ZDHHC5: variants seen among roughly 807,000 people sequenced by gnomAD.
ZDHHC5 encodes the protein palmitoyltransferase ZDHHC5.
Under a neutral mutation model 70.0 loss-of-function variants are expected in ZDHHC5, and 22 were observed. The ratio of observed to expected loss-of-function variants is 0.31; its 90% CI spans 0.22 to 0.45. The LOEUF (loss-of-function observed/expected upper bound fraction) is 0.45, where lower values mean the gene tolerates loss of function less well. Among genes scored for constraint, ZDHHC5 ranks in the 20% least tolerant of loss-of-function variants. The pLI, the probability that ZDHHC5 is intolerant of heterozygous loss-of-function variation, is 1.00. For missense variants in ZDHHC5, 746 were observed against 926.9 expected (o/e 0.80, Z 2.53); for synonymous variants, 313 against 347.8 (o/e 0.90, Z 1.11).
At chr11:57,686,125 T>C (rs1462211578) in intron 3 of ZDHHC5, among the ~76,000 whole-genome samples, 4 of 152,092 alleles carry the variant, frequency 2.6e-5, no homozygotes, top group Non-Finnish European at 5.9e-5. Context: ...ATAAGGAGCA[T>C]TGCAACTGGG....
intron 6 of ZDHHC5, among the ~76,000 whole-genome samples, chr11:57,691,157 T>C (rs1254222214): frequency 6.6e-6 from 1 of 152,072 alleles, no homozygotes; most frequent in African/African-American, 2.4e-5. Flanking sequence ...CTGCAACCTC[T>C]GCCTCCTGGG....
At chr11:57,696,070 A>G (rs1946348220) in intron 9 of ZDHHC5, 27 bp downstream of exon 9, 1 of 1,599,444 alleles carries the variant, frequency 6.3e-7, no homozygotes, top group African/African-American at 1.3e-5. Flanking sequence ...TTTGCAAGAT[A>G]CTAGAACTAG....
chr11:57,672,274 C>T lies in ZDHHC5; in HGVS notation c.-817C>T. 1 of 398,554 alleles carries T rather than the reference C, an allele frequency of 2.5e-6. No homozygotes were observed. 24.7% of individuals were successfully genotyped at this position (398,554 alleles called of 1,614,324 possible). On this transcript the variant is annotated 5_prime_UTR_variant, in exon 2 of 12. Transcript: ENST00000287169. ...TGTAGGAAACAGAGCCCTTAAAGGG[C>T]TTGGGAATAACAAGAAGAGATTGAA...
At chr11:57,690,571 T>C in intron 6 of ZDHHC5, 134 bp downstream of exon 6, 1 of 975,914 alleles carries the variant, frequency 1.0e-6, no homozygotes, top group Non-Finnish European at 1.6e-6. Flanking sequence ...AGATTAATGG[T>C]AGGGAGTGAG....
chr11:57,688,698 T>C (rs767005577), intron 4 of ZDHHC5, 33 bp downstream of exon 4: 1 of 1,548,164 alleles, frequency 6.5e-7, no homozygotes, highest in Non-Finnish European at 8.7e-7. Context: ...GACTTCATGC[T>C]TAACCTTCAT....
Position 57,698,915 on chromosome 11 carries a change from A to G in ZDHHC5, c.1479A>G (p.Pro493=), listed in dbSNP as rs1590873635. ...ESVQAGPEPD[P]PLGYTSPFLS... ...TGCAGGCAGGGCCTGAGCCAGACCC[A>G]CCTTTAGGCTATACCTCTCCCTTCC... is the stretch of plus-strand genomic sequence containing the variant. The change falls in exon 11 of 12, where the codon CCA becomes CCG. Residue 493 remains proline, a synonymous_variant. Coordinates refer to ENST00000287169, the MANE Select transcript of ZDHHC5 (RefSeq NM_015457.3). 3 of 1,613,856 alleles carry G rather than the reference A, an allele frequency of 1.9e-6. No individual in the cohort carries two copies. The highest frequency in any genetic ancestry group is 1.3e-5 in the African/African-American group (1 of 74,856).
intron 4 of ZDHHC5, among the ~76,000 whole-genome samples, chr11:57,689,014 G>C (rs906289251): frequency 6.6e-6 from 1 of 152,162 alleles, no homozygotes; most frequent in Non-Finnish European, 1.5e-5. Context: ...GGGATTACAG[G>C]CATGAGCCAT....
intron 8 of ZDHHC5, among the ~76,000 whole-genome samples, chr11:57,694,808 C>A (rs1290884202): frequency 1.3e-5 from 2 of 152,232 alleles, no homozygotes; most frequent in Non-Finnish European, 2.9e-5. Context: ...AGAATTAAAA[C>A]CTTTTTTAAA....
Position 57,692,775 on chromosome 11 carries a change from A to G in ZDHHC5, c.752+73A>G, listed in dbSNP as rs567123574. ...ATCTTCTTTGGGCTTGTTCTGGTAA[A>G]GGAGGGGTCTGGTGAGAGCCTTTAG... On this transcript the variant is annotated intron_variant, in intron 7 of 11. Transcript: ENST00000287169. 5.9e-6 allele frequency: 9 copies of G among 1,521,840 alleles called. No individual in the cohort carries two copies. In the African/African-American group the frequency reaches 1.2e-4, roughly 21 times the overall value. 94.3% of individuals were successfully genotyped at this position (1,521,840 alleles called of 1,614,324 possible). A position where few individuals can be genotyped will look rare whatever the true frequency, so the allele number is the denominator to read the frequency against.
Position 57,699,094 on chromosome 11 carries a change from A to T in ZDHHC5, c.1658A>T (p.Gln553Leu). Reference sequence around the variant, plus strand: ...CAGGAACGAGAGAAGTTGCTGCGCCAGTCACCCCCACTCCCGGGCCGTGAG... The same window carrying T: ...CAGGAACGAGAGAAGTTGCTGCGCCTGTCACCCCCACTCCCGGGCCGTGAG... Reference protein sequence around the residue: ...SLQEREKLLRQSPPLPGREEE... With the variant: ...SLQEREKLLRLSPPLPGREEE... The change falls in exon 11 of 12, where the codon CAG (glutamine) becomes CTG (leucine). Residue 553 changes from glutamine to leucine, a missense_variant. By Grantham distance (113) the Gln-to-Leu change is moderately radical (BLOSUM62 -2). Coordinates refer to ENST00000287169, the MANE Select transcript of ZDHHC5 (RefSeq NM_015457.3). 6.2e-7 allele frequency: 1 copy of T among 1,613,794 alleles called. No individual in the cohort carries two copies.
chr11:57,688,191 G>T (rs1489808144), intron 3 of ZDHHC5, among the ~76,000 whole-genome samples: 1 of 152,148 alleles, frequency 6.6e-6, no homozygotes, highest in East Asian at 1.9e-4. Flanking sequence ...TATGTGCTTT[G>T]ATATGTAAAC....
chr11:57,690,227 T>C, intron 5 of ZDHHC5, 24 bp downstream of exon 5: 1 of 1,613,082 alleles, frequency 6.2e-7, no homozygotes, highest in Non-Finnish European at 8.5e-7. Flanking sequence ...CCTTTTAGAT[T>C]GTGGGATTGG....
intron 8 of ZDHHC5, among the ~76,000 whole-genome samples, chr11:57,695,428 A>G (rs1240553482): frequency 2.0e-5 from 3 of 152,106 alleles, no homozygotes; most frequent in Non-Finnish European, 4.4e-5. Flanking sequence ...TCAAAAAAAA[A>G]AACCCAACTT....
intron 2 of ZDHHC5, among the ~76,000 whole-genome samples, chr11:57,674,141 G>A (rs915441538): frequency 3.9e-5 from 6 of 152,056 alleles, no homozygotes; most frequent in South Asian, 2.1e-4. Flanking sequence ...AGTTTCTGCC[G>A]AGGGAATGAC....
At chr11:57,679,711 C>G (rs571866397) in intron 2 of ZDHHC5, among the ~76,000 whole-genome samples, 44 of 152,106 alleles carry the variant, frequency 2.9e-4, no homozygotes, top group Admixed American at 6.6e-4. Flanking sequence ...AGACAGGCCA[C>G]TTGGGGTGGT....
chr11:57,689,371 A>T, intron 4 of ZDHHC5, among the ~76,000 whole-genome samples: 1 of 151,214 alleles, frequency 6.6e-6, no homozygotes, highest in Non-Finnish European at 1.5e-5. Flanking sequence ...TCTTTTTTAT[A>T]TATATATATA....
intron 4 of ZDHHC5, among the ~76,000 whole-genome samples, chr11:57,689,479 C>A (rs1946252873): frequency 6.6e-6 from 1 of 151,888 alleles, no homozygotes; most frequent in African/African-American, 2.4e-5. Context: ...CCGGGTTCAA[C>A]CGATTCTCCT....
intron 7 of ZDHHC5, 139 bp from the exon 8 acceptor site, chr11:57,693,644 A>G: frequency 7.7e-7 from 1 of 1,297,630 alleles, no homozygotes; most frequent in Non-Finnish European, 1.0e-6. Context: ...GTTTATTGCT[A>G]AGTAAGTGAT....
In ZDHHC5 at chr11:57,700,771, G is replaced by A. The variant is rs545235411; in HGVS notation, c.*740G>A. ...GGGTCAAAACTTCAAGACACTGGTGGTGGTGGGAGATCAGGAAAATAACTT... is the reference window on the plus strand; with the variant it reads ...GGGTCAAAACTTCAAGACACTGGTGATGGTGGGAGATCAGGAAAATAACTT... On this transcript the variant is annotated 3_prime_UTR_variant, in exon 12 of 12. Transcript: ENST00000287169. 2.9e-4 allele frequency: 44 copies of A among 152,764 alleles called. No individual in the cohort carries two copies. The highest frequency in any genetic ancestry group is 1.1e-3 in the African/African-American group (44 of 41,558). The allele number at this position is 152,764 out of a possible 1,614,324, so 9.5% of individuals were successfully genotyped here.
Sources: gnomAD v4.1 joint callset for allele counts (sites outside exome capture counted in the v4.1 genomes callset) on GRCh38, gnomAD v4.1.1 for gene constraint, MANE v1.5 for transcripts, NCBI Gene and HGNC (gene_info 2026-07-23, HGNC 2026-07-21) for gene names.